Variants in RERG observed in about 807,000 individuals in gnomAD.
The protein encoded by RERG is RAS like estrogen regulated growth inhibitor.
Under a neutral mutation model 23.2 loss-of-function variants are expected in RERG, and 25 were observed. The ratio of observed to expected loss-of-function variants is 1.08; its 90% CI spans 0.79 to 1.50. RERG has a LOEUF of 1.50. Among genes scored for constraint, RERG ranks in the 40% most tolerant of loss-of-function variants. The pLI, the probability that RERG is intolerant of heterozygous loss-of-function variation, is 0.00. For missense variants in RERG, 253 were observed against 250.1 expected, an observed-to-expected ratio of 1.01 and a Z score of -0.08; for synonymous variants, 81 against 89.1, an observed-to-expected ratio of 0.91 and a Z score of 0.51.
intron 2 of RERG, among the ~76,000 whole-genome samples, chr12:15,171,459 T>C (rs1279391743): frequency 3.3e-5 from 5 of 152,090 alleles, no homozygotes; most frequent in Non-Finnish European, 7.4e-5. Context: ...GGATTGGAGA[T>C]AGAGTGTAGG....
intron 2 of RERG, among the ~76,000 whole-genome samples, chr12:15,190,222 C>T (rs555096983): frequency 6.6e-6 from 1 of 152,162 alleles, no homozygotes; most frequent in South Asian, 2.1e-4. Flanking sequence ...CCAGGGGTGT[C>T]CAATCTTTTG....
chr12:15,132,329 T>C (rs1288683813), intron 2 of RERG, among the ~76,000 whole-genome samples: 1 of 152,242 alleles, frequency 6.6e-6, no homozygotes, highest in East Asian at 1.9e-4. Flanking sequence ...TTCTTTTACT[T>C]TGCAATGCAC....
chr12:15,162,284 T>A (rs1864626627), intron 2 of RERG, among the ~76,000 whole-genome samples: 1 of 152,130 alleles, frequency 6.6e-6, no homozygotes, highest in Non-Finnish European at 1.5e-5. Context: ...AAGGACTGCC[T>A]CCAGGAGAAA....
intron 3 of RERG, among the ~76,000 whole-genome samples, chr12:15,114,885 G>A (rs1306239094): frequency 6.6e-6 from 1 of 152,052 alleles, no homozygotes; most frequent in Non-Finnish European, 1.5e-5. Flanking sequence ...AGGTGATTAC[G>A]GTGCATGCTA....
chr12:15,162,888 A>G (rs2136115089), intron 2 of RERG, among the ~76,000 whole-genome samples: 1 of 152,326 alleles, frequency 6.6e-6, no homozygotes, highest in East Asian at 1.9e-4. Context: ...ATATTGCTCT[A>G]GACCTTAGAG....
chr12:15,142,162 T>G (rs1036888699), intron 2 of RERG, among the ~76,000 whole-genome samples: 4 of 152,216 alleles, frequency 2.6e-5, no homozygotes, highest in Non-Finnish European at 5.9e-5. Context: ...TGTTAAAAAT[T>G]ATTTCACAGG....
At chr12:15,149,582 A>C (rs1430640601) in intron 2 of RERG, among the ~76,000 whole-genome samples, 1 of 152,198 alleles carries the variant, frequency 6.6e-6, no homozygotes, top group East Asian at 1.9e-4. Flanking sequence ...CTGGAGGGGA[A>C]AAGTGCTACT....
At chr12:15,147,045 T>C (rs995247102) in intron 2 of RERG, among the ~76,000 whole-genome samples, 3 of 151,304 alleles carry the variant, frequency 2.0e-5, no homozygotes, top group Non-Finnish European at 4.4e-5. Flanking sequence ...GTGTCCAGCT[T>C]CTAAATCTAA....
At chr12:15,167,611 G>A (rs760718638) in intron 2 of RERG, among the ~76,000 whole-genome samples, 1 of 152,170 alleles carries the variant, frequency 6.6e-6, no homozygotes, top group African/African-American at 2.4e-5. Context: ...ATGCCAAAAA[G>A]ACAGGCAGTT....
chr12:15,216,826 G>A (rs1478000497), intron 2 of RERG, among the ~76,000 whole-genome samples: 1 of 152,178 alleles, frequency 6.6e-6, no homozygotes, highest in East Asian at 1.9e-4. Flanking sequence ...CTCAGATAGT[G>A]AACAAAGTCT....
At position 15,122,543 on chromosome 12, in the gene RERG, T is replaced by G. The variant is rs1344118041; in HGVS notation, c.62-1424A>C. 2.0e-5 allele frequency among the ~76,000 whole-genome samples: 3 copies of G among 152,188 alleles called. No homozygotes were observed. The East Asian group carries it at 5.8e-4, about 29-fold the overall frequency. ...GAGGCTGAATTCGAGCCAAAATATTTGCAGTGCCTAAAGTAGCAAGGCCAC... is the reference window on the plus strand; with the variant it reads ...GAGGCTGAATTCGAGCCAAAATATTGGCAGTGCCTAAAGTAGCAAGGCCAC... On this transcript the variant is annotated intron_variant, in intron 2 of 4. Coordinates refer to ENST00000256953, the MANE Select transcript of RERG (RefSeq NM_032918.3).
intron 1 of RERG, chr12:15,217,911 A>C (rs1865464369): frequency 5.8e-6 from 1 of 172,278 alleles, no homozygotes; most frequent in Admixed American, 6.0e-5. Flanking sequence ...CTGAAAGTAA[A>C]AGTGAATACA....
At chr12:15,168,521 T>C (rs1864729104) in intron 2 of RERG, among the ~76,000 whole-genome samples, 1 of 152,196 alleles carries the variant, frequency 6.6e-6, no homozygotes, top group Non-Finnish European at 1.5e-5. Context: ...ACTTTGGAAA[T>C]TCATAAGTCT....
At chr12:15,218,360 T>C (rs953805379) in intron 1 of RERG, among the ~76,000 whole-genome samples, 1 of 152,116 alleles carries the variant, frequency 6.6e-6, no homozygotes. Context: ...AGGAGTGACA[T>C]CTAGGTTCTT....
chr12:15,143,944 C>A (rs1444332763), intron 2 of RERG, among the ~76,000 whole-genome samples: 2 of 152,022 alleles, frequency 1.3e-5, no homozygotes, highest in Non-Finnish European at 2.9e-5. Context: ...GAAGAAAGGG[C>A]AAGTGTAGAG....
At chr12:15,126,766 A>G (rs1189728054) in intron 2 of RERG, among the ~76,000 whole-genome samples, 1 of 130,094 alleles carries the variant, frequency 7.7e-6, no homozygotes, top group Non-Finnish European at 1.6e-5. Context: ...TCTGTCGCCC[A>G]GGCTGGAGTG....
chr12:15,157,926 T>C (rs1195840746), intron 2 of RERG, among the ~76,000 whole-genome samples: 2 of 152,124 alleles, frequency 1.3e-5, no homozygotes, highest in African/African-American at 4.8e-5. Context: ...CTTCTCTCTA[T>C]ACATAAATAT....
chr12:15,199,893 A>G (rs543794085), intron 2 of RERG, among the ~76,000 whole-genome samples: 1 of 152,180 alleles, frequency 6.6e-6, no homozygotes, highest in Non-Finnish European at 1.5e-5. Context: ...GTACGTTTGC[A>G]TTTGCTCCTC....
At chr12:15,213,597 C>T (rs1356803793) in intron 2 of RERG, among the ~76,000 whole-genome samples, 1 of 152,230 alleles carries the variant, frequency 6.6e-6, no homozygotes, top group African/African-American at 2.4e-5. Flanking sequence ...CCCAATACAG[C>T]AGACCATGTA....
Sources: gnomAD v4.1 joint callset for allele counts (sites outside exome capture counted in the v4.1 genomes callset) on GRCh38, gnomAD v4.1.1 for gene constraint, MANE v1.5 for transcripts, NCBI Gene and HGNC (gene_info 2026-07-23, HGNC 2026-07-21) for gene names.